ZNF721: variants seen among roughly 807,000 people sequenced by gnomAD.
ZNF721 encodes zinc finger protein 721.
ZNF721 carries 2 observed loss-of-function variants against 2.4 expected under a neutral mutation model. That is an observed-to-expected ratio of 0.82 (90% CI 0.34 to 2.58). The LOEUF (loss-of-function observed/expected upper bound fraction) is 2.58, where lower values mean the gene tolerates loss of function less well. Among genes scored for constraint, ZNF721 ranks in the 30% most tolerant of loss-of-function variants. ZNF721 has a pLI of 0.11. For missense variants in ZNF721, 1,187 were observed against 1,085.5 expected (o/e 1.09, Z -1.31); for synonymous variants, 398 against 381.8 (o/e 1.04, Z -0.50).
intron 2 of ZNF721, among the ~76,000 whole-genome samples, chr4:450,079 C>T (rs782088079): frequency 3.3e-5 from 5 of 152,188 alleles, no homozygotes; most frequent in Admixed American, 1.3e-4. Context: ...GACGACCACA[C>T]ACACACAGAA....
intron 1 of ZNF721, among the ~76,000 whole-genome samples, chr4:477,106 T>A (rs1487587948): frequency 6.6e-6 from 1 of 152,158 alleles, no homozygotes; most frequent in African/African-American, 2.4e-5. Context: ...CAAGTGGTCC[T>A]GCAACAGGAA....
intron 1 of ZNF721, among the ~76,000 whole-genome samples, chr4:481,633 ATCT>A (rs1715772151): frequency 4.0e-5 from 6 of 149,706 alleles, no homozygotes; most frequent in Admixed American, 6.7e-5. Flanking sequence ...CAGTGGCATG[ATCT>A]CAGCTCATTG....
rs544900364 is a variant in ZNF721, at chr4:492,612, GT to G, written c.-94+6443del. ...CAACTTGATCATATAAAAGTTTTGG[GT>G]TTTTTTTTTTTTCATAAATCCTTTT... On this transcript the variant is annotated intron_variant, in intron 1 of 2. Transcript: ENST00000511833. Among the ~76,000 whole-genome samples the G allele has an allele frequency of 3.4e-3, 469 of 139,196 alleles. 2 individuals are homozygous for G. The highest frequency in any genetic ancestry group is 9.7e-3 in the African/African-American group (372 of 38,356). The allele number at this position is 139,196 out of a possible 152,430, so 91.3% of individuals were successfully genotyped here.
intron 1 of ZNF721, among the ~76,000 whole-genome samples, chr4:477,650 G>A (rs782084596): frequency 3.3e-5 from 5 of 152,138 alleles, no homozygotes; most frequent in Admixed American, 6.5e-5. Context: ...AGAGTAAGCC[G>A]ATAGTTTAAA....
At position 440,256 on chromosome 4, in the gene ZNF721, A is replaced by T. The variant is rs1350834766; in HGVS notation, c.*1439T>A. The T allele has an allele frequency of 2.0e-5, 3 of 152,210 alleles. No individual in the cohort carries two copies. The highest frequency in any genetic ancestry group is 7.2e-5 in the African/African-American group (3 of 41,452). The allele number at this position is 152,210 out of a possible 1,614,324, so 9.4% of individuals were successfully genotyped here. ...TTTATTTCTCTTCTCTTTCATGTAGAAGTCTATGAATAATGCCCACCTAAT... is the reference window on the plus strand; with the variant it reads ...TTTATTTCTCTTCTCTTTCATGTAGTAGTCTATGAATAATGCCCACCTAAT... On this transcript the variant is annotated 3_prime_UTR_variant, in exon 3 of 3. Transcript: ENST00000511833.
intron 1 of ZNF721, among the ~76,000 whole-genome samples, chr4:482,913 A>T (rs554296707): frequency 6.6e-6 from 1 of 152,250 alleles, no homozygotes; most frequent in Admixed American, 6.5e-5. Flanking sequence ...ATATTGTATC[A>T]AAATCTGTAT....
intron 2 of ZNF721, among the ~76,000 whole-genome samples, chr4:459,861 C>T (rs1341186107): frequency 6.6e-6 from 1 of 151,670 alleles, no homozygotes; most frequent in African/African-American, 2.4e-5. Context: ...GGGGCATTAC[C>T]TAATGGTAAA....
rs12640166 is a variant in ZNF721 at position 490,010 on chromosome 4, C to T, written c.-94+9046G>A. On this transcript the variant is annotated intron_variant, in intron 1 of 2. Transcript: ENST00000511833. ...AAGTGGCTGGGACTACAGGCACATG[C>T]CACCATGCCTGGCTAATTTTTTGTA... 2.8e-3 allele frequency among the ~76,000 whole-genome samples: 421 copies of T among 152,014 alleles called. 4 individuals are homozygous for T. In the East Asian group the frequency reaches 0.049, roughly 18 times the overall value.
intron 1 of ZNF721, among the ~76,000 whole-genome samples, chr4:487,861 C>T (rs1337228463): frequency 4.0e-5 from 6 of 151,280 alleles, no homozygotes; most frequent in African/African-American, 1.5e-4. Flanking sequence ...AAGGAAAAAC[C>T]TCATCTACAC....
At chr4:456,041 C>CA (rs1553865383) in intron 2 of ZNF721, among the ~76,000 whole-genome samples, 50 of 137,896 alleles carry the variant, frequency 3.6e-4, no homozygotes, top group South Asian at 1.4e-3. Context: ...TCATGATCAC[C>CA]AAAAAAATTT....
Position 443,720 on chromosome 4 carries a change from G to A in ZNF721, c.747C>T (p.Tyr249=). The part of the protein sequence containing the change: ...HEKIHTGEKP[Y]KCKECGKVIS... ...TGACTTTGCCACATTCCTTACATTT[G>A]TAGGGTTTCTCTCCAGTATGAATTT... Residue 249 remains tyrosine (Y), a synonymous_variant, in exon 3 of 3, where the codon TAC becomes TAT. Coordinates refer to ENST00000511833, the MANE Select transcript of ZNF721 (RefSeq NM_133474.4). The A allele has an allele frequency of 6.2e-7, 1 of 1,614,076 alleles. No individual in the cohort carries two copies. The highest frequency in any genetic ancestry group is 8.5e-7 in the Non-Finnish European group (1 of 1,179,986).
chr4:443,213 T>C lies in ZNF721; in HGVS notation c.1254A>G (p.Thr418=). Residue 418 remains threonine (T), a synonymous_variant, in exon 3 of 3, where the codon ACA becomes ACG. Transcript: ENST00000511833. ...KRIHTREKPY[T]CEDRGRAFGL... ...CAAAGGCTCTGCCACGATCTTCACA[T>C]GTGTAGGGTTTCTCTCTGGTGTGAA... The C allele has an allele frequency of 1.9e-6, 3 of 1,613,838 alleles. No homozygotes were observed. The highest frequency in any genetic ancestry group is 2.5e-6 in the Non-Finnish European group (3 of 1,179,780).
intron 1 of ZNF721, 78 bp from the exon 2 acceptor site, chr4:472,779 C>T (rs1450752941): frequency 1.3e-6 from 2 of 1,569,716 alleles, no homozygotes; most frequent in Non-Finnish European, 1.7e-6. Context: ...CCAGTTCTGA[C>T]ATGTGACTGA....
At chr4:481,639 G>A (rs77538072) in intron 1 of ZNF721, among the ~76,000 whole-genome samples, 6,578 of 150,648 alleles carry the variant, frequency 0.044, 198 homozygotes, top group African/African-American at 0.089. Flanking sequence ...CATGATCTCA[G>A]CTCATTGCAA....
At chr4:495,166 G>A (rs1443564333) in intron 1 of ZNF721, among the ~76,000 whole-genome samples, 5 of 151,904 alleles carry the variant, frequency 3.3e-5, no homozygotes, top group African/African-American at 4.8e-5. Context: ...ACAAACATAA[G>A]CCACCGCGCC....
intron 1 of ZNF721, among the ~76,000 whole-genome samples, chr4:493,803 T>C (rs1553871828): frequency 1.3e-5 from 2 of 152,174 alleles, no homozygotes; most frequent in African/African-American, 4.8e-5. Context: ...CAAAAGATCA[T>C]TCTGTTTGGG....
chr4:491,503 C>A (rs189736522), intron 1 of ZNF721, among the ~76,000 whole-genome samples: 5 of 152,300 alleles, frequency 3.3e-5, no homozygotes, highest in East Asian at 1.9e-4. Context: ...AAGGACAGCT[C>A]GGCTCTGCTA....
chr4:451,863 C>G (rs1202159134), intron 2 of ZNF721, among the ~76,000 whole-genome samples: 1 of 152,198 alleles, frequency 6.6e-6, no homozygotes, highest in Non-Finnish European at 1.5e-5. Flanking sequence ...CTAGTTCTCT[C>G]CCTTGGCCAT....
rs182992462 is a variant in ZNF721 at position 473,595 on chromosome 4, G to A, written c.-93-894C>T. ...GGCGCTGCCCCATTAATGAGTCCCC[G>A]TTTGCTCACATGAACTCTATGTTTT... On this transcript the variant is annotated intron_variant, in intron 1 of 2. Coordinates refer to ENST00000511833, the MANE Select transcript of ZNF721 (RefSeq NM_133474.4). Among the ~76,000 whole-genome samples, 1,105 of 152,210 alleles carry A rather than the reference G, an allele frequency of 7.3e-3. 12 individuals carry two copies. The highest frequency in any genetic ancestry group is 0.071 in the Middle Eastern group (21 of 294).
Sources: gnomAD v4.1 joint callset for allele counts (sites outside exome capture counted in the v4.1 genomes callset) on GRCh38, gnomAD v4.1.1 for gene constraint, MANE v1.5 for transcripts, NCBI Gene and HGNC (gene_info 2026-07-23, HGNC 2026-07-21) for gene names.